Variants in CACNA2D3 observed in about 807,000 individuals in gnomAD.
CACNA2D3 encodes voltage-dependent calcium channel subunit alpha-2/delta-3.
Under a neutral mutation model 160.6 loss-of-function variants are expected in CACNA2D3, and 60 were observed. That is an observed-to-expected ratio of 0.37 (90% CI 0.30 to 0.46). The LOEUF (loss-of-function observed/expected upper bound fraction) is 0.46. Ranked by LOEUF, CACNA2D3 falls within the 20% of genes least tolerant of loss-of-function variation. CACNA2D3 has a pLI of 1.00. For missense variants in CACNA2D3, 1,205 were observed against 1,365.0 expected, an observed-to-expected ratio of 0.88 and a Z score of 1.85; for synonymous variants, 558 against 492.9, an observed-to-expected ratio of 1.13 and a Z score of -1.75.
In CACNA2D3 at chr3:54,652,614, GA is replaced by G. The variant is rs1192542516; in HGVS notation, c.1167+10374del. The stretch of plus-strand genomic sequence containing the variant: ...CAGAAGCCCTGGGTAGGAAAAGGTG[GA>G]TGTGTATGAGGAGCAGGAGGAAGTG... On this transcript the variant is annotated intron_variant, in intron 11 of 37. Coordinates refer to ENST00000474759, the MANE Select transcript of CACNA2D3 (RefSeq NM_018398.3). Among the ~76,000 whole-genome samples the G allele has an allele frequency of 2.0e-5, 3 of 152,102 alleles. No individual in the cohort carries two copies. The East Asian group carries it at 5.8e-4, about 30-fold the overall frequency.
chr3:54,186,113 A>G (rs1034551257), intron 2 of CACNA2D3, among the ~76,000 whole-genome samples: 1 of 152,106 alleles, frequency 6.6e-6, no homozygotes, highest in Non-Finnish European at 1.5e-5. Context: ...CCTTATTACT[A>G]GTCTGTATCT....
rs11428424 is a variant in CACNA2D3 at position 54,652,783 on chromosome 3, C to CTTTT, written c.1167+10556_1167+10559dup. On this transcript the variant is annotated intron_variant, in intron 11 of 37. Transcript: ENST00000474759. ...GGGGTTGGTGAGGAGCCATGGGAGG[C>CTTTT]TTTTTTTTTTTTTTTTTGAGACCGA... 4.2e-3 allele frequency among the ~76,000 whole-genome samples: 500 copies of CTTTT among 118,232 alleles called. 15 individuals are homozygous for CTTTT. Among genetic ancestry groups the CTTTT allele is most frequent in the Non-Finnish European group, 6.1e-3 (361 of 59,464 alleles). 77.6% of individuals were successfully genotyped at this position (118,232 alleles called of 152,430 possible). A position where few individuals can be genotyped will look rare whatever the true frequency, so the allele number is the denominator to read the frequency against.
chr3:54,229,428 C>T (rs371185629), intron 2 of CACNA2D3, among the ~76,000 whole-genome samples: 6 of 152,234 alleles, frequency 3.9e-5, no homozygotes, highest in South Asian at 2.1e-4. Context: ...CTCCTGACCT[C>T]GTGATCTGCC....
rs1383248592 is a variant in CACNA2D3 at position 54,310,176 on chromosome 3, A to G, written c.205-10266A>G. On this transcript the variant is annotated intron_variant, in intron 2 of 37. Transcript: ENST00000474759. ...TTATTCATACAATAGGGCACTTTCC[A>G]TTTCAACTAGAAAAGTATTCTTTTG... Among the ~76,000 whole-genome samples the G allele has an allele frequency of 5.3e-5, 8 of 152,234 alleles. No homozygotes were observed. The East Asian group carries it at 1.6e-3, about 30-fold the overall frequency.
chr3:54,651,890 A>T (rs1421956161), intron 11 of CACNA2D3, among the ~76,000 whole-genome samples: 1 of 152,100 alleles, frequency 6.6e-6, no homozygotes, highest in Non-Finnish European at 1.5e-5. Context: ...TTCAGGGATT[A>T]TTCTTTTAAG....
chr3:54,280,525 G>C (rs1421774912), intron 2 of CACNA2D3, among the ~76,000 whole-genome samples: 1 of 150,054 alleles, frequency 6.7e-6, no homozygotes, highest in East Asian at 2.0e-4. Context: ...AAATGTGAGG[G>C]CCTGAACACT....
intron 2 of CACNA2D3, among the ~76,000 whole-genome samples, chr3:54,227,184 AG>A (rs1701688455): frequency 6.6e-6 from 1 of 151,384 alleles, no homozygotes; most frequent in Non-Finnish European, 1.5e-5. Context: ...AAATGAACCA[AG>A]GTCTTGGGGT....
chr3:54,350,976 T>TTTTG (rs1698545743), intron 3 of CACNA2D3, among the ~76,000 whole-genome samples: 1 of 45,156 alleles, frequency 2.2e-5, no homozygotes, highest in Non-Finnish European at 4.7e-5. Flanking sequence ...CTGTTTTTTT[T>TTTTG]TTTTTGTTTG....
intron 2 of CACNA2D3, among the ~76,000 whole-genome samples, chr3:54,156,602 A>C (rs1412777513): frequency 6.6e-6 from 1 of 152,348 alleles, no homozygotes; most frequent in East Asian, 1.9e-4. Flanking sequence ...ACTCTGAAGC[A>C]GGGCTGGCCC....
intron 4 of CACNA2D3, among the ~76,000 whole-genome samples, chr3:54,459,178 A>G (rs1036354037): frequency 6.6e-6 from 1 of 151,964 alleles, no homozygotes; most frequent in Non-Finnish European, 1.5e-5. Flanking sequence ...TCATTGTTGG[A>G]CATTTGGGTT....
chr3:54,989,809 T>G (rs747109195), intron 31 of CACNA2D3, among the ~76,000 whole-genome samples: 1 of 152,170 alleles, frequency 6.6e-6, no homozygotes, highest in Non-Finnish European at 1.5e-5. Context: ...TAGCACCAGG[T>G]ATTGCTTCAT....
chr3:54,265,512 T>TCTGCACATTCTGCAC, intron 2 of CACNA2D3, among the ~76,000 whole-genome samples: 1 of 151,736 alleles, frequency 6.6e-6, no homozygotes, highest in East Asian at 1.9e-4. Context: ...TCTGCACATG[T>TCTGCACATTCTGCAC]ATCCCAGAAC....
At chr3:54,350,968 GT>G (rs758501839) in intron 3 of CACNA2D3, among the ~76,000 whole-genome samples, 581 of 56,126 alleles carry the variant, frequency 0.01, 13 homozygotes, top group African/African-American at 0.02. Flanking sequence ...TCTTGAGTCT[GT>G]TTTTTTTTTT....
intron 11 of CACNA2D3, among the ~76,000 whole-genome samples, chr3:54,704,610 A>G (rs1700823222): frequency 6.6e-6 from 1 of 152,108 alleles, no homozygotes; most frequent in South Asian, 2.1e-4. Context: ...GATCACTCAG[A>G]CGTTGGTGAT....
chr3:54,358,406 G>A (rs1178017075), intron 3 of CACNA2D3, among the ~76,000 whole-genome samples: 1 of 152,194 alleles, frequency 6.6e-6, no homozygotes, highest in East Asian at 1.9e-4. Context: ...CTGCAAGGAG[G>A]TCCGGTTGTG....
At chr3:54,898,122 T>C (rs1355974835) in intron 26 of CACNA2D3, among the ~76,000 whole-genome samples, 1 of 142,896 alleles carries the variant, frequency 7.0e-6, no homozygotes, top group East Asian at 1.9e-4. Context: ...TTTTTCTTTC[T>C]TTCTTTTTCT....
intron 13 of CACNA2D3, among the ~76,000 whole-genome samples, chr3:54,810,878 G>C (rs1292413161): frequency 4.6e-5 from 7 of 152,166 alleles, no homozygotes; most frequent in African/African-American, 1.7e-4. Context: ...ATGTCCCTCT[G>C]CTCGGTGGGT....
intron 18 of CACNA2D3, chr3:54,874,972 C>CT (rs1699624754): frequency 6.6e-6 from 1 of 152,172 alleles, no homozygotes; most frequent in South Asian, 2.1e-4. Context: ...TGCTTTGAAT[C>CT]TAACTACAAT....
At chr3:54,697,428 C>T (rs141298376) in intron 11 of CACNA2D3, among the ~76,000 whole-genome samples, 3 of 152,280 alleles carry the variant, frequency 2.0e-5, no homozygotes, top group Admixed American at 6.5e-5. Context: ...CTTAGGGAAC[C>T]GCCTTCATTT....
Sources: allele counts gnomAD v4.1 joint callset (sites outside exome capture counted in the v4.1 genomes callset), GRCh38; gene constraint gnomAD v4.1.1; transcripts MANE v1.5; gene names NCBI Gene and HGNC (gene_info 2026-07-23, HGNC 2026-07-21).